The following GRIA3 variants were observed in gnomAD, a reference collection of about 807,000 sequenced individuals.
The protein encoded by GRIA3 is glutamate ionotropic receptor AMPA type subunit 3.
In GRIA3, 3 loss-of-function variants were observed where a neutral mutation model predicts 63.0. The ratio of observed to expected loss-of-function variants is 0.05; its 90% CI spans 0.02 to 0.12. GRIA3 has a LOEUF of 0.12. GRIA3 is among the 10% of genes least tolerant of loss of function. The pLI, the probability that GRIA3 is intolerant of heterozygous loss-of-function variation, is 1.00. For synonymous variants in GRIA3, 274 were observed against 257.9 expected, an observed-to-expected ratio of 1.06 and a Z score of -0.60; for missense variants, 347 against 700.9, an observed-to-expected ratio of 0.50 and a Z score of 5.70.
intron 3 of GRIA3, among the ~76,000 whole-genome samples, chrX:123,294,999 A>G (rs766253268): frequency 2.1e-4 from 24 of 112,125 alleles, no homozygotes; most frequent in South Asian, 1.1e-3. Flanking sequence ...AGTCTATTCA[A>G]CTGGGATTCA....
intron 3 of GRIA3, among the ~76,000 whole-genome samples, chrX:123,298,563 A>T (rs2044700473): frequency 9.0e-6 from 1 of 111,416 alleles, no homozygotes; most frequent in African/African-American, 3.3e-5. Context: ...CCTTTTGCCC[A>T]CTTTTTAATG....
At chrX:123,245,209 T>A (rs1021312071) in intron 2 of GRIA3, among the ~76,000 whole-genome samples, 3 of 112,117 alleles carry the variant, frequency 2.7e-5, no homozygotes, top group Non-Finnish European at 5.6e-5. Context: ...ACAAGAGCAA[T>A]GCATTAGAAG....
At chrX:123,430,927 G>A (rs1272313364) in intron 12 of GRIA3, among the ~76,000 whole-genome samples, 1 of 110,612 alleles carries the variant, frequency 9.0e-6, no homozygotes, top group African/African-American at 3.3e-5. Flanking sequence ...AGGTTGCAGT[G>A]AGCTGAGATC....
At chrX:123,469,443 GGTCA>G (rs1429443013) in intron 13 of GRIA3, among the ~76,000 whole-genome samples, 3 of 111,374 alleles carry the variant, frequency 2.7e-5, no homozygotes, top group Non-Finnish European at 3.8e-5. Flanking sequence ...TTAAAAACAA[GGTCA>G]GTCTCTGAGG....
rs1478610550 is a variant in GRIA3 at position 123,488,996 on chromosome X, T to C, written c.*286T>C. On this transcript the variant is annotated 3_prime_UTR_variant, in exon 16 of 16. Transcript: ENST00000620443. The stretch of plus-strand genomic sequence containing the variant: ...CAAAAATGGACATGCAAGATTCCAG[T>C]ATGCGAAAAAAAATCTTATTAAGTC... 9.2e-6 allele frequency: 1 copy of C among 108,655 alleles called. No individual in the cohort carries two copies. Among genetic ancestry groups the C allele is most frequent in the Non-Finnish European group, 1.9e-5 (1 of 52,297 alleles). The allele number at this position is 108,655 out of a possible 1,213,427, so 9.0% of individuals were successfully genotyped here.
intron 13 of GRIA3, among the ~76,000 whole-genome samples, chrX:123,469,500 T>G (rs1045193345): frequency 8.9e-6 from 1 of 112,207 alleles, no homozygotes; most frequent in Non-Finnish European, 1.9e-5. Context: ...AGAATACTCC[T>G]TGGCTTTCCC....
At chrX:123,443,194 T>C (rs773164632) in intron 12 of GRIA3, among the ~76,000 whole-genome samples, 2 of 111,852 alleles carry the variant, frequency 1.8e-5, no homozygotes, top group South Asian at 3.8e-4. Context: ...CTGAAGACTA[T>C]GAACAATAAC....
rs752435980 is a variant in GRIA3, at chrX:123,403,417, C to A, written c.1191C>A (p.Gly397=). The A allele has an allele frequency of 5.2e-6, 6 of 1,151,398 alleles. No individual in the cohort carries two copies. In the East Asian group the frequency reaches 1.2e-4, roughly 23 times the overall value. The allele number at this position is 1,151,398 out of a possible 1,213,427, so 94.9% of individuals were successfully genotyped here. ...EMKVSGSRKA[G]YWNEYERFVP... is the part of the protein sequence containing the mutation. ...CAAATGTCTTCTCTTTCTAGGCTGG[C>A]TACTGGAATGAGTATGAAAGGTTTG... Residue 397 remains glycine, a synonymous_variant, in exon 9 of 16, where the codon GGC becomes GGA. Transcript: ENST00000620443.
chrX:123,481,934 T>G (rs111308027), intron 14 of GRIA3, among the ~76,000 whole-genome samples: 1 of 112,122 alleles, frequency 8.9e-6, no homozygotes, highest in African/African-American at 3.2e-5. Flanking sequence ...TAAAAATTAT[T>G]CTCTACATTC....
chrX:123,437,203 T>C (rs1475654225), intron 12 of GRIA3, among the ~76,000 whole-genome samples: 2 of 109,329 alleles, frequency 1.8e-5, no homozygotes, highest in African/African-American at 6.7e-5. Context: ...ATCATAGCAA[T>C]TTAGGCACCA....
intron 15 of GRIA3, among the ~76,000 whole-genome samples, chrX:123,485,058 A>G (rs1329372039): frequency 8.9e-6 from 1 of 112,423 alleles, no homozygotes; most frequent in Non-Finnish European, 1.9e-5. Context: ...TAATGTTTCA[A>G]TGTGCTTAAA....
At chrX:123,352,690 T>A (rs1016164089) in intron 4 of GRIA3, among the ~76,000 whole-genome samples, 1 of 111,629 alleles carries the variant, frequency 9.0e-6, no homozygotes, top group Admixed American at 9.6e-5. Flanking sequence ...TCTTTAAGAA[T>A]ATTGCTCATT....
rs188256953 is a variant in GRIA3, at chrX:123,260,503, A to G, written c.508+6961A>G. Among the ~76,000 whole-genome samples, 11 of 16,222 alleles carry G rather than the reference A, an allele frequency of 6.8e-4. 1 individual carries two copies. The highest frequency in any genetic ancestry group is 6.9e-4 in the Non-Finnish European group (4 of 5,761). The allele number at this position is 16,222 out of a possible 115,157, so 14.1% of individuals were successfully genotyped here. A position where few individuals can be genotyped will look rare whatever the true frequency, so the allele number is the denominator to read the frequency against. ...AAGAAAGAAAGAAAGAAAGAAAGAA[A>G]GAAAGAAAGAAAGAAAGAAAGAAAG... is the stretch of plus-strand genomic sequence containing the variant. On this transcript the variant is annotated intron_variant, in intron 3 of 15. Transcript: ENST00000620443.
chrX:123,242,442 T>C (rs1303803071), intron 2 of GRIA3, among the ~76,000 whole-genome samples: 1 of 112,054 alleles, frequency 8.9e-6, no homozygotes, highest in Non-Finnish European at 1.9e-5. Flanking sequence ...AATTGTTTCA[T>C]TGACTGTGAC....
At chrX:123,356,559 A>G (rs1365852108) in intron 5 of GRIA3, among the ~76,000 whole-genome samples, 2 of 112,290 alleles carry the variant, frequency 1.8e-5, no homozygotes, top group Non-Finnish European at 3.8e-5. Flanking sequence ...TTGAAATTGT[A>G]TAGATACTAT....
At chrX:123,391,194 G>A (rs2045384566) in intron 5 of GRIA3, among the ~76,000 whole-genome samples, 1 of 111,521 alleles carries the variant, frequency 9.0e-6, no homozygotes, top group Non-Finnish European at 1.9e-5. Context: ...TTCCTTTGGA[G>A]GCAATGTATT....
intron 12 of GRIA3, among the ~76,000 whole-genome samples, chrX:123,433,568 C>T (rs1335454841): frequency 3.6e-5 from 4 of 112,048 alleles, no homozygotes; most frequent in African/African-American, 1.3e-4. Context: ...ACCCCAATGC[C>T]GGATGCCAGA....
At chrX:123,483,086 C>T in intron 15 of GRIA3, 40 bp downstream of exon 15, 8 of 1,066,919 alleles carry the variant, frequency 7.5e-6, no homozygotes, top group Non-Finnish European at 1.0e-5. Flanking sequence ...CTTTACTTTA[C>T]TGTATGTCAA....
At chrX:123,348,909 G>A (rs1490188740) in intron 4 of GRIA3, among the ~76,000 whole-genome samples, 1 of 112,098 alleles carries the variant, frequency 8.9e-6, no homozygotes, top group African/African-American at 3.2e-5. Context: ...CATCAGGACA[G>A]GGAAACCTGA....
Sources: gnomAD v4.1 joint callset for allele counts (sites outside exome capture counted in the v4.1 genomes callset) on GRCh38, gnomAD v4.1.1 for gene constraint, MANE v1.5 for transcripts, NCBI Gene and HGNC (gene_info 2026-07-23, HGNC 2026-07-21) for gene names.